The following MAD2L1BP variants were observed in gnomAD, a reference collection of about 807,000 sequenced individuals.
MAD2L1BP encodes the protein MAD2L1-binding protein.
A neutral mutation model predicts 28.4 loss-of-function variants in MAD2L1BP; 22 were observed. The observed-to-expected ratio is 0.77, with a 90% CI of 0.55 to 1.10. The LOEUF (loss-of-function observed/expected upper bound fraction) is 1.10, where lower values mean the gene tolerates loss of function less well. MAD2L1BP is among the 50% of genes least tolerant of loss of function. The pLI is 0.00. For missense variants in MAD2L1BP, 325 were observed against 350.5 expected (o/e 0.93, Z 0.58); for synonymous variants, 146 against 133.7 (o/e 1.09, Z -0.63).
intron 2 of MAD2L1BP, 150 bp from the exon 3 acceptor site, chr6:43,639,871 T>G (rs894091229): frequency 9.6e-6 from 5 of 521,772 alleles, no homozygotes; most frequent in Non-Finnish European, 1.6e-5. Context: ...TAATACCCTC[T>G]GATAAAACAC....
upstream of MAD2L1BP, among the ~76,000 whole-genome samples, chr6:43,632,974 A>G (rs191810192): frequency 5.0e-3 from 737 of 148,086 alleles, 6 homozygotes; most frequent in African/African-American, 0.018. Context: ...GTGAGCCAAG[A>G]TCACGCCATT....
chr6:43,640,521 C>G lies in MAD2L1BP; in HGVS notation c.813C>G (p.Gly271=). ...IWFQAPVTFK[G]FRE ...TCCAGGCACCAGTGACATTTAAAGG[C>G]TTCCGCGAGTGAATGAGTGCTTCTT... Residue 271 remains glycine (G), a synonymous_variant, in exon 3 of 3, where the codon GGC becomes GGG. Coordinates refer to ENST00000372171, the MANE Select transcript of MAD2L1BP (RefSeq NM_014628.3). 1 of 1,582,572 alleles carries G rather than the reference C, an allele frequency of 6.3e-7. No individual in the cohort carries two copies. The highest frequency in any genetic ancestry group is 8.6e-7 in the Non-Finnish European group (1 of 1,164,066).
chr6:43,632,165 G>T (rs1769960177), upstream of MAD2L1BP, among the ~76,000 whole-genome samples: 1 of 151,912 alleles, frequency 6.6e-6, no homozygotes, highest in Non-Finnish European at 1.5e-5. Flanking sequence ...CTCCCAAAGT[G>T]CTGGGATTAC....
exon 1 of MAD2L1BP, chr6:43,629,598 G>T (rs1378735862): frequency 7.7e-6 from 6 of 780,880 alleles, no homozygotes; most frequent in Non-Finnish European, 1.3e-5. Context: ...GCGTAGAAGA[G>T]CTTACATCAG....
chr6:43,636,784 A>T, intron 2 of MAD2L1BP, 138 bp downstream of exon 2: 1 of 999,054 alleles, frequency 1.0e-6, no homozygotes, highest in Non-Finnish European at 1.5e-6. Flanking sequence ...CTTTCTCCCC[A>T]CTCTAGTCTT....
upstream of MAD2L1BP, among the ~76,000 whole-genome samples, chr6:43,632,105 G>C (rs1322652294): frequency 6.6e-6 from 1 of 151,862 alleles, no homozygotes; most frequent in Admixed American, 6.6e-5. Flanking sequence ...TCTCCGTGTT[G>C]GTCAGGCTGG....
exon 1 of MAD2L1BP, chr6:43,629,560 G>A: frequency 3.0e-6 from 2 of 674,446 alleles, no homozygotes; most frequent in South Asian, 1.6e-5. Flanking sequence ...AGAGCCTCGA[G>A]GCCTGGGGTG....
At position 43,636,629 on chromosome 6, in the gene MAD2L1BP, C is replaced by G. The variant is rs755412042; in HGVS notation, c.295C>G (p.Arg99Gly). Residue 99 changes from arginine (R) to glycine (G), a missense_variant, in exon 2 of 3, where the codon CGA becomes GGA. Arg to Gly is a moderately radical substitution (Grantham distance 125). Coordinates refer to ENST00000372171, the MANE Select transcript of MAD2L1BP (RefSeq NM_014628.3). Reference sequence around the variant, plus strand: ...CTATGAACAGCTTAAGCACTTTTACCGAAAACCTTCTCCCCAGGTAGGCAC... The same window carrying G: ...CTATGAACAGCTTAAGCACTTTTACGGAAAACCTTCTCCCCAGGTAGGCAC... ...LPYEQLKHFY[R>G]KPSPQAEEML... is the part of the protein sequence containing the mutation. 2 of 1,612,786 alleles carry G rather than the reference C, an allele frequency of 1.2e-6. No individual in the cohort carries two copies. Among genetic ancestry groups the G allele is most frequent in the Non-Finnish European group, 1.7e-6 (2 of 1,178,830 alleles).
chr6:43,629,846 G>T (rs1279186030), intron 1 of MAD2L1BP: 1 of 1,496,570 alleles, frequency 6.7e-7, no homozygotes, highest in Non-Finnish European at 9.0e-7. Context: ...GGATGATTAT[G>T]CTACCTTTAC....
Position 43,640,501 on chromosome 6 carries a change from G to T in MAD2L1BP, c.793G>T (p.Ala265Ser), listed in dbSNP as rs200474414. The part of the protein sequence containing the change: ...TAWEDYIWFQ[A>S]PVTFKGFRE ...TTGGGAAGACTACATTTGGTTCCAG[G>T]CACCAGTGACATTTAAAGGCTTCCG... Residue 265 changes from alanine (A) to serine (S), a missense_variant, in exon 3 of 3, where the codon GCA becomes TCA. By Grantham distance (99) the Ala-to-Ser change is moderately conservative. Transcript: ENST00000372171. 5.0e-5 allele frequency: 80 copies of T among 1,604,210 alleles called. No individual in the cohort carries two copies. Among genetic ancestry groups the T allele is most frequent in the Non-Finnish European group, 6.6e-5 (77 of 1,175,476 alleles).
At chr6:43,630,627 C>A (rs754258778) in intron 1 of MAD2L1BP, among the ~76,000 whole-genome samples, 4 of 152,020 alleles carry the variant, frequency 2.6e-5, no homozygotes, top group Non-Finnish European at 5.9e-5. Context: ...CCTGTAATCC[C>A]GGCTGCTCGC....
At chr6:43,633,172 C>CTTT (rs547697381), upstream of MAD2L1BP, 88 of 393,288 alleles carry the variant, frequency 2.2e-4, no homozygotes, top group East Asian at 3.4e-4. Flanking sequence ...AATCATTGTA[C>CTTT]TTTTTTTTTT....
intron 1 of MAD2L1BP, among the ~76,000 whole-genome samples, 182 bp downstream of exon 1, chr6:43,636,103 A>G (rs115076861): frequency 1.3e-5 from 2 of 152,068 alleles, no homozygotes; most frequent in African/African-American, 4.8e-5. Flanking sequence ...GCTTGACTAC[A>G]CTTTTGACTC....
intron 2 of MAD2L1BP, among the ~76,000 whole-genome samples, chr6:43,637,717 G>A (rs536664027): frequency 6.6e-6 from 1 of 151,984 alleles, no homozygotes; most frequent in South Asian, 2.1e-4. Flanking sequence ...TCCTGTCTCA[G>A]CCTCCTGAGT....
chr6:43,634,701 C>T (rs1770105216), upstream of MAD2L1BP, among the ~76,000 whole-genome samples: 1 of 152,136 alleles, frequency 6.6e-6, no homozygotes, highest in South Asian at 2.1e-4. Context: ...GCTGGGATTA[C>T]AGGTGCATGC....
upstream of MAD2L1BP, among the ~76,000 whole-genome samples, chr6:43,631,179 C>T (rs1363519896): frequency 6.6e-6 from 1 of 152,118 alleles, no homozygotes; most frequent in East Asian, 1.9e-4. Flanking sequence ...TGACCATAGG[C>T]CAATTATGTG....
At chr6:43,631,467 T>C (rs1355757942), upstream of MAD2L1BP, among the ~76,000 whole-genome samples, 2 of 152,160 alleles carry the variant, frequency 1.3e-5, no homozygotes, top group African/African-American at 4.8e-5. Context: ...TGTCCCTTCA[T>C]ATACATGGAT....
chr6:43,629,575 C>G (rs1769764965), exon 1 of MAD2L1BP: 1 of 703,346 alleles, frequency 1.4e-6, no homozygotes, highest in Non-Finnish European at 2.5e-6. Context: ...GGGGTGGGGA[C>G]GCGAGGACAC....
At chr6:43,636,698 A>G (rs1269262691) in intron 2 of MAD2L1BP, 52 bp downstream of exon 2, 1 of 1,585,630 alleles carries the variant, frequency 6.3e-7, no homozygotes, top group African/African-American at 1.4e-5. Context: ...TGGCTCTTAG[A>G]TGGGAGGCAG....
Sources: gnomAD v4.1 joint callset for allele counts (sites outside exome capture counted in the v4.1 genomes callset) on GRCh38, gnomAD v4.1.1 for gene constraint, MANE v1.5 for transcripts, NCBI Gene and HGNC (gene_info 2026-07-23, HGNC 2026-07-21) for gene names.